PTPRK: variants seen among roughly 807,000 people sequenced by gnomAD.
PTPRK encodes receptor-type tyrosine-protein phosphatase kappa.
Under a neutral mutation model 178.0 loss-of-function variants are expected in PTPRK, and 75 were observed. The ratio of observed to expected loss-of-function variants is 0.42; its 90% CI spans 0.35 to 0.51. The LOEUF is 0.51. PTPRK is among the 20% of genes least tolerant of loss of function. PTPRK has a pLI of 0.02. For synonymous variants in PTPRK, 637 were observed against 620.6 expected, an observed-to-expected ratio of 1.03 and a Z score of -0.39; for missense variants, 1,441 against 1,797.8, an observed-to-expected ratio of 0.80 and a Z score of 3.59.
At chr6:128,157,365 A>T (rs1223602504) in intron 7 of PTPRK, among the ~76,000 whole-genome samples, 1 of 151,854 alleles carries the variant, frequency 6.6e-6, no homozygotes, top group Non-Finnish European at 1.5e-5. Flanking sequence ...ATTATTTTTA[A>T]CTATCTTTTT....
chr6:128,056,680 T>C (rs544730163), intron 13 of PTPRK, among the ~76,000 whole-genome samples: 1 of 152,220 alleles, frequency 6.6e-6, no homozygotes, highest in South Asian at 2.1e-4. Context: ...TGCCTCGGCC[T>C]CCCAAAGTGC....
chr6:128,189,192 T>G (rs1264718802), intron 6 of PTPRK, among the ~76,000 whole-genome samples: 1 of 151,474 alleles, frequency 6.6e-6, no homozygotes, highest in Non-Finnish European at 1.5e-5. Context: ...GCAGATTATT[T>G]AAGAGTTAAT....
intron 3 of PTPRK, among the ~76,000 whole-genome samples, chr6:128,277,007 C>T (rs1820819417): frequency 6.6e-6 from 1 of 151,992 alleles, no homozygotes; most frequent in African/African-American, 2.4e-5. Context: ...TGCAATACCA[C>T]AGGAGCACTA....
chr6:128,089,336 G>A (rs573730474), intron 8 of PTPRK, among the ~76,000 whole-genome samples: 6 of 152,272 alleles, frequency 3.9e-5, no homozygotes, highest in Middle Eastern at 6.8e-3. Context: ...AAAACCCTAA[G>A]TTTTTTATCA....
At chr6:128,296,412 C>G (rs1240957525) in intron 3 of PTPRK, among the ~76,000 whole-genome samples, 1 of 152,054 alleles carries the variant, frequency 6.6e-6, no homozygotes, top group East Asian at 1.9e-4. Context: ...AACTCCAAGA[C>G]ACATAATTGT....
intron 3 of PTPRK, among the ~76,000 whole-genome samples, chr6:128,269,214 G>A (rs192165169): frequency 3.3e-5 from 5 of 152,146 alleles, no homozygotes; most frequent in Admixed American, 3.3e-4. Flanking sequence ...GTGTATAGAA[G>A]GCAGGATAGG....
intron 2 of PTPRK, among the ~76,000 whole-genome samples, chr6:128,376,170 C>A (rs1380569837): frequency 6.6e-6 from 1 of 152,190 alleles, no homozygotes; most frequent in African/African-American, 2.4e-5. Flanking sequence ...GGGGCATCAA[C>A]CCCACATTTC....
At chr6:128,362,422 C>T (rs960744187) in intron 2 of PTPRK, among the ~76,000 whole-genome samples, 1 of 152,094 alleles carries the variant, frequency 6.6e-6, no homozygotes, top group Non-Finnish European at 1.5e-5. Context: ...GGATATATAT[C>T]CAAATTACAT....
At chr6:128,122,501 T>C (rs993959141) in intron 7 of PTPRK, among the ~76,000 whole-genome samples, 1 of 152,180 alleles carries the variant, frequency 6.6e-6, no homozygotes, top group Non-Finnish European at 1.5e-5. Flanking sequence ...TCTTTCAATG[T>C]AAACCTCTCT....
At position 128,142,102 on chromosome 6, in the gene PTPRK, T is replaced by A. The variant is rs560243614; in HGVS notation, c.1162+42330A>T. Reference sequence around the variant, plus strand: ...GTGCATATACATACATATATGCATATGTCAAGTATATGCATATGTATGTGT... The same window carrying A: ...GTGCATATACATACATATATGCATAAGTCAAGTATATGCATATGTATGTGT... On this transcript the variant is annotated intron_variant, in intron 7 of 29. Transcript: ENST00000368226. Among the ~76,000 whole-genome samples, 3 of 152,036 alleles carry A rather than the reference T, an allele frequency of 2.0e-5. No homozygotes were observed. The East Asian group carries it at 5.8e-4, about 29-fold the overall frequency.
intron 1 of PTPRK, among the ~76,000 whole-genome samples, chr6:128,487,914 T>C (rs1208829789): frequency 6.6e-6 from 1 of 152,034 alleles, no homozygotes; most frequent in African/African-American, 2.4e-5. Flanking sequence ...TGTAGATTCC[T>C]GTATTAGTCA....
intron 2 of PTPRK, among the ~76,000 whole-genome samples, chr6:128,392,171 C>T (rs140878475): frequency 6.6e-6 from 1 of 152,238 alleles, no homozygotes; most frequent in African/African-American, 2.4e-5. Flanking sequence ...GACATATGGC[C>T]TTAAACTACT....
At chr6:128,236,741 T>G (rs1329495940) in intron 5 of PTPRK, among the ~76,000 whole-genome samples, 2 of 152,110 alleles carry the variant, frequency 1.3e-5, no homozygotes, top group Admixed American at 6.5e-5. Flanking sequence ...TTTAGTCTAC[T>G]GACACTCAGG....
In PTPRK at chr6:128,117,984, AT is replaced by A. The variant is rs568459999; in HGVS notation, c.1163-27993del. ...TAAAAATGCTTGTATTTTATAATTCATTTTTTTGTGACAGGATAAACATGAT... is the reference window on the plus strand; with the variant it reads ...TAAAAATGCTTGTATTTTATAATTCATTTTTTGTGACAGGATAAACATGAT... On this transcript the variant is annotated intron_variant, in intron 7 of 29. Transcript: ENST00000368226. Among the ~76,000 whole-genome samples the A allele has an allele frequency of 4.1e-3, 630 of 152,176 alleles. 2 individuals are homozygous for A. Among genetic ancestry groups the A allele is most frequent in the African/African-American group, 0.014 (601 of 41,532 alleles).
Position 128,407,633 on chromosome 6 carries a change from C to CAAAAAAAAAAAAAAA in PTPRK, c.101-9960_101-9946dup, listed in dbSNP as rs56189580. Among the ~76,000 whole-genome samples, 3 of 97,788 alleles carry CAAAAAAAAAAAAAAA rather than the reference C, an allele frequency of 3.1e-5. 1 individual carries two copies. The highest frequency in any genetic ancestry group is 4.1e-5 in the African/African-American group (1 of 24,332). The allele number at this position is 97,788 out of a possible 152,430, so 64.2% of individuals were successfully genotyped here. A position where few individuals can be genotyped will look rare whatever the true frequency, so the allele number is the denominator to read the frequency against. On this transcript the variant is annotated intron_variant, in intron 1 of 29. Transcript: ENST00000368226. ...CCTGATGGACAGAGCAAGACCCTAT[C>CAAAAAAAAAAAAAAA]AAAAAAAAAAAAAAAAAAAAAAGAA...
chr6:128,118,352 C>T (rs1482512753), intron 7 of PTPRK, among the ~76,000 whole-genome samples: 1 of 152,176 alleles, frequency 6.6e-6, no homozygotes, highest in Non-Finnish European at 1.5e-5. Context: ...TATGCATGCA[C>T]ATATTTTTTC....
At chr6:128,511,974 G>A (rs951477864) in intron 1 of PTPRK, among the ~76,000 whole-genome samples, 1 of 152,058 alleles carries the variant, frequency 6.6e-6, no homozygotes, top group South Asian at 2.1e-4. Flanking sequence ...AATTGCTTTA[G>A]GAAAAGCTCT....
chr6:128,142,833 A>G (rs1297581411), intron 7 of PTPRK, among the ~76,000 whole-genome samples: 2 of 152,042 alleles, frequency 1.3e-5, no homozygotes, highest in African/African-American at 4.8e-5. Context: ...ATTTCTACAC[A>G]CAAAAGAAAG....
At chr6:128,410,687 A>G (rs867984258) in intron 1 of PTPRK, among the ~76,000 whole-genome samples, 23 of 152,296 alleles carry the variant, frequency 1.5e-4, no homozygotes, top group Non-Finnish European at 2.9e-4. Context: ...ATCTGACTCA[A>G]CGGCATTAAC....
Sources: allele counts gnomAD v4.1 joint callset (sites outside exome capture counted in the v4.1 genomes callset), GRCh38; gene constraint gnomAD v4.1.1; transcripts MANE v1.5; gene names NCBI Gene and HGNC (gene_info 2026-07-23, HGNC 2026-07-21).